Variants in MICAL3 observed in about 807,000 individuals in gnomAD.
The protein encoded by MICAL3 is microtubule associated monooxygenase, calponin and LIM domain containing 3.
In MICAL3, 62 loss-of-function variants were observed where a neutral mutation model predicts 207.4. The ratio of observed to expected loss-of-function variants is 0.30; its 90% CI spans 0.24 to 0.37. MICAL3 has a LOEUF of 0.37. Among genes scored for constraint, MICAL3 ranks in the 10% least tolerant of loss-of-function variants. MICAL3 has a pLI of 1.00. For synonymous variants in MICAL3, 1,077 were observed against 1,069.3 expected, an observed-to-expected ratio of 1.01 and a Z score of -0.14; for missense variants, 2,368 against 2,635.6, an observed-to-expected ratio of 0.90 and a Z score of 2.22.
chr22:17,867,719 G>A (rs184920118), intron 17 of MICAL3, among the ~76,000 whole-genome samples: 3 of 152,336 alleles, frequency 2.0e-5, no homozygotes. Context: ...GGAGGTGAGG[G>A]AAGGGGCAGC....
At chr22:17,916,300 G>A (rs376190802) in intron 1 of MICAL3, among the ~76,000 whole-genome samples, 6 of 152,004 alleles carry the variant, frequency 3.9e-5, no homozygotes, top group Admixed American at 1.3e-4. Flanking sequence ...TCCTGTCCCC[G>A]TTCTTACTCA....
intron 1 of MICAL3, among the ~76,000 whole-genome samples, chr22:18,000,834 A>G (rs2146487872): frequency 6.6e-6 from 1 of 152,268 alleles, no homozygotes; most frequent in African/African-American, 2.4e-5. Flanking sequence ...CGCTTGGCGC[A>G]CGCTAGCTCC....
chr22:17,979,805 C>T (rs938253665), intron 1 of MICAL3, among the ~76,000 whole-genome samples: 5 of 150,644 alleles, frequency 3.3e-5, no homozygotes, highest in Non-Finnish European at 1.5e-5. Context: ...AAAAAAAAAA[C>T]CCACAGGTTT....
Position 17,901,905 on chromosome 22 carries a change from C to T in MICAL3, c.664G>A (p.Gly222Arg). 6.2e-7 allele frequency: 1 copy of T among 1,613,626 alleles called. No homozygotes were observed. The highest frequency in any genetic ancestry group is 1.1e-5 in the South Asian group (1 of 91,058). The change falls in exon 5 of 32, where the codon GGG becomes AGG. Residue 222 changes from glycine (G) to arginine (R), a missense_variant. By Grantham distance (125) the Gly-to-Arg change is moderately radical. Coordinates refer to ENST00000441493, the MANE Select transcript of MICAL3 (RefSeq NM_015241.3). ...TCCAAGGTGTTCCTCCGACCATCCC[C>T]ACCGATGATCACTTCAAATTCATAC... ...SEYEFEVIIG[G>R]DGRRNTLEGF...
chr22:17,802,678 G>C (rs965331223), intron 29 of MICAL3, among the ~76,000 whole-genome samples: 4 of 152,200 alleles, frequency 2.6e-5, no homozygotes, highest in Non-Finnish European at 5.9e-5. Context: ...ACAGAACTAT[G>C]ACATTGGTTT....
At chr22:17,829,743 T>C (rs535543541) in intron 21 of MICAL3, among the ~76,000 whole-genome samples, 1 of 152,364 alleles carries the variant, frequency 6.6e-6, no homozygotes, top group African/African-American at 2.4e-5. Context: ...ATAGGTTTCC[T>C]GCATCAGAGA....
In MICAL3 at chr22:17,910,507, A is replaced by G. The variant is rs1932059823; in HGVS notation, c.-74-3621T>C. ...CAGAGCCAACCAGCAGGCAAGTTTT[A>G]ATTCCCCGGCCGAAGAGATTTCGAC... On this transcript the variant is annotated intron_variant, in intron 1 of 31. Transcript: ENST00000441493. Among the ~76,000 whole-genome samples, 3 of 152,324 alleles carry G rather than the reference A, an allele frequency of 2.0e-5. No homozygotes were observed. In the South Asian group the frequency reaches 6.2e-4, roughly 32 times the overall value.
At chr22:17,941,501 C>T (rs1449934706) in intron 1 of MICAL3, among the ~76,000 whole-genome samples, 1 of 152,102 alleles carries the variant, frequency 6.6e-6, no homozygotes, top group African/African-American at 2.4e-5. Flanking sequence ...CAAGGGGTCC[C>T]CTGCAAAGAC....
chr22:17,832,753 G>A (rs970471810), intron 20 of MICAL3, among the ~76,000 whole-genome samples: 3 of 152,120 alleles, frequency 2.0e-5, no homozygotes, highest in Non-Finnish European at 2.9e-5. Context: ...GGGGGGAGGG[G>A]GGACCCAGAA....
rs988908503 is a variant in MICAL3 at position 17,793,461 on chromosome 22, C to A, written c.5651-2160G>T. 6.6e-6 allele frequency among the ~76,000 whole-genome samples: 1 copy of A among 152,186 alleles called. No individual in the cohort carries two copies. Among genetic ancestry groups the A allele is most frequent in the East Asian group, 1.9e-4 (1 of 5,184 alleles). On this transcript the variant is annotated intron_variant, in intron 29 of 31. Transcript: ENST00000441493. This position sits in a 1 kb window ranked among gnomAD's most constrained non-coding sequence, Gnocchi z 4.1. The stretch of plus-strand genomic sequence containing the variant: ...TGGATCTGAGACTTAAAGCCCCAGC[C>A]ACGAAGGGCCAGCCAATGCTGCAGC...
At chr22:17,905,131 A>G (rs1931622808) in intron 2 of MICAL3, among the ~76,000 whole-genome samples, 1 of 152,236 alleles carries the variant, frequency 6.6e-6, no homozygotes, top group Non-Finnish European at 1.5e-5. Flanking sequence ...AGCATATTTA[A>G]GTGGCCATCA....
chr22:17,800,864 A>C (rs2061929794), intron 29 of MICAL3, among the ~76,000 whole-genome samples: 1 of 152,228 alleles, frequency 6.6e-6, no homozygotes, highest in Non-Finnish European at 1.5e-5. Flanking sequence ...TAAGAATGAC[A>C]CAAGAGCAGA....
chr22:17,834,350 T>C lies in MICAL3; in HGVS notation c.2802-2243A>G, dbSNP rs576274290. The C allele has an allele frequency of 5.7e-5, 70 of 1,223,194 alleles. 2 individuals are homozygous for C. The highest frequency in any genetic ancestry group is 3.6e-4 in the South Asian group (26 of 71,468). The allele number at this position is 1,223,194 out of a possible 1,614,324, so 75.8% of individuals were successfully genotyped here. On this transcript the variant is annotated intron_variant, in intron 20 of 31. Coordinates refer to ENST00000441493, the MANE Select transcript of MICAL3 (RefSeq NM_015241.3). The stretch of plus-strand genomic sequence containing the variant: ...CACTTGTTCATTTACCTGGATAAAA[T>C]TTATTCAATTATCTTCCCCTCACAA...
At chr22:17,984,288 G>C (rs1277988331) in intron 1 of MICAL3, among the ~76,000 whole-genome samples, 1 of 152,152 alleles carries the variant, frequency 6.6e-6, no homozygotes, top group Non-Finnish European at 1.5e-5. Flanking sequence ...GGAAGGAAAG[G>C]AACTAACATT....
intron 1 of MICAL3, among the ~76,000 whole-genome samples, chr22:17,991,265 G>A (rs1360851729): frequency 6.6e-6 from 1 of 151,930 alleles, no homozygotes; most frequent in Non-Finnish European, 1.5e-5. Context: ...GTGCTGTAGG[G>A]GGACAAAGAG....
chr22:17,935,927 T>A (rs555025977), intron 1 of MICAL3, among the ~76,000 whole-genome samples: 1 of 151,962 alleles, frequency 6.6e-6, no homozygotes, highest in African/African-American at 2.4e-5. Flanking sequence ...CAGGAAACAA[T>A]AGATGCTGGA....
At position 17,852,047 on chromosome 22, in the gene MICAL3, G is replaced by A. The variant is rs115945298; in HGVS notation, c.2606-10030C>T. On this transcript the variant is annotated intron_variant, in intron 19 of 31. Coordinates refer to ENST00000441493, the MANE Select transcript of MICAL3 (RefSeq NM_015241.3). ...AGAGTGCCCCTGACACTCTCAGTCCGGAATGCATCCAAAGCCAGCTCTGAT... is the reference window on the plus strand; with the variant it reads ...AGAGTGCCCCTGACACTCTCAGTCCAGAATGCATCCAAAGCCAGCTCTGAT... Among the ~76,000 whole-genome samples, 520 of 152,188 alleles carry A rather than the reference G, an allele frequency of 3.4e-3. 2 individuals are homozygous for A. Among genetic ancestry groups the A allele is most frequent in the African/African-American group, 0.012 (504 of 41,520 alleles).
chr22:17,865,899 C>A, intron 18 of MICAL3, 25 bp downstream of exon 18: 2 of 1,586,858 alleles, frequency 1.3e-6, no homozygotes, highest in South Asian at 1.1e-5. Context: ...TGCTTCTCCC[C>A]CACTTACAGG....
Position 17,944,987 on chromosome 22 carries a change from C to T in MICAL3, c.-74-38101G>A, listed in dbSNP as rs368057440. 5.2e-4 allele frequency among the ~76,000 whole-genome samples: 76 copies of T among 147,374 alleles called. 1 individual carries two copies. The South Asian group carries it at 0.016, about 31-fold the overall frequency. The stretch of plus-strand genomic sequence containing the variant: ...ATCAAATGCCACTAAATATGAAGTT[C>T]GCACTCAGGCACTGGGGGACCTTTT... On this transcript the variant is annotated intron_variant, in intron 1 of 31. Coordinates refer to ENST00000441493, the MANE Select transcript of MICAL3 (RefSeq NM_015241.3).
Sources: allele counts gnomAD v4.1 joint callset (sites outside exome capture counted in the v4.1 genomes callset), GRCh38; gene constraint gnomAD v4.1.1; non-coding constraint Gnocchi (gnomAD v3.1); transcripts MANE v1.5; gene names NCBI Gene and HGNC (gene_info 2026-07-23, HGNC 2026-07-21).